PHIP: variants seen among roughly 807,000 people sequenced by gnomAD.
PHIP encodes PH-interacting protein.
Under a neutral mutation model 236.8 loss-of-function variants are expected in PHIP, and 54 were observed. The observed-to-expected ratio is 0.23, with a 90% CI of 0.18 to 0.29. The LOEUF (loss-of-function observed/expected upper bound fraction) is 0.29, where lower values mean the gene tolerates loss of function less well. Ranked by LOEUF, PHIP falls within the 10% of genes least tolerant of loss-of-function variation. PHIP has a pLI of 1.00. For missense variants in PHIP, 1,370 were observed against 2,190.8 expected, an observed-to-expected ratio of 0.63 and a Z score of 7.48; for synonymous variants, 756 against 718.9, an observed-to-expected ratio of 1.05 and a Z score of -0.83.
chr6:78,974,414 A>G (rs1198338969), intron 24 of PHIP, among the ~76,000 whole-genome samples: 1 of 152,004 alleles, frequency 6.6e-6, no homozygotes, highest in Non-Finnish European at 1.5e-5. Flanking sequence ...AATGCCCACA[A>G]GAGTAAGCAG....
chr6:78,980,102 T>G (rs1289105610), intron 23 of PHIP, among the ~76,000 whole-genome samples: 1 of 152,034 alleles, frequency 6.6e-6, no homozygotes, highest in Non-Finnish European at 1.5e-5. Flanking sequence ...AGGATCACTC[T>G]GGATGCATCA....
chr6:79,023,305 T>C (rs1237876356), intron 9 of PHIP, among the ~76,000 whole-genome samples: 1 of 152,154 alleles, frequency 6.6e-6, no homozygotes, highest in Non-Finnish European at 1.5e-5. Flanking sequence ...GCTCTGTTAC[T>C]TAGGCTGGTC....
chr6:79,016,903 GA>G lies in PHIP; in HGVS notation c.1137-262del, dbSNP rs1187286946. 4.0e-5 allele frequency among the ~76,000 whole-genome samples: 6 copies of G among 151,728 alleles called. No homozygotes were observed. In the East Asian group the frequency reaches 1.2e-3, roughly 29 times the overall value. On this transcript the variant is annotated intron_variant, in intron 12 of 39. Transcript: ENST00000275034. ...AGAAATAAAATCGACATTTTCCAAG[GA>G]AAAAACAATGATTTTCTTCTCAATA...
chr6:78,949,314 G>C (rs942076335), intron 35 of PHIP, among the ~76,000 whole-genome samples: 2 of 152,164 alleles, frequency 1.3e-5, no homozygotes, highest in Non-Finnish European at 2.9e-5. Flanking sequence ...GCCCCTTCCT[G>C]GGCAGTCTTA....
intron 19 of PHIP, among the ~76,000 whole-genome samples, chr6:78,993,484 T>A (rs1769404869): frequency 6.6e-6 from 1 of 152,214 alleles, no homozygotes; most frequent in South Asian, 2.1e-4. Flanking sequence ...AATCTTTTCT[T>A]AGGGGCTAAT....
At chr6:79,076,578 T>A (rs1582333461) in intron 4 of PHIP, among the ~76,000 whole-genome samples, 1 of 152,156 alleles carries the variant, frequency 6.6e-6, no homozygotes, top group East Asian at 1.9e-4. Context: ...AAATACTCAT[T>A]TTGACAACCC....
chr6:78,960,481 A>G (rs1252760756), intron 31 of PHIP, among the ~76,000 whole-genome samples: 2 of 151,348 alleles, frequency 1.3e-5, no homozygotes, highest in Non-Finnish European at 2.9e-5. Flanking sequence ...TAAACTTCCA[A>G]CACCTGATAT....
chr6:78,947,578 C>T lies in PHIP; in HGVS notation c.4206+45G>A, dbSNP rs944789807. The T allele has an allele frequency of 5.2e-6, 5 of 963,522 alleles. No individual in the cohort carries two copies. The African/African-American group carries it at 6.5e-5, about 13-fold the overall frequency. The allele number at this position is 963,522 out of a possible 1,614,324, so 59.7% of individuals were successfully genotyped here. On this transcript the variant is annotated intron_variant, in intron 36 of 39. Coordinates refer to ENST00000275034, the MANE Select transcript of PHIP (RefSeq NM_017934.7). ...CAACATTTAGTCATTTAACACACTC[C>T]TCTAACTTAATCTAGTCATAAAAGA... is the stretch of plus-strand genomic sequence containing the variant.
chr6:79,045,739 A>G (rs958938819), intron 6 of PHIP, among the ~76,000 whole-genome samples: 3 of 152,172 alleles, frequency 2.0e-5, no homozygotes, highest in Non-Finnish European at 4.4e-5. Flanking sequence ...TAAAATGAGC[A>G]TGGTTAAACA....
At chr6:79,056,451 A>G (rs1773076392) in intron 6 of PHIP, among the ~76,000 whole-genome samples, 1 of 152,146 alleles carries the variant, frequency 6.6e-6, no homozygotes, top group South Asian at 2.1e-4. Context: ...GGTTGACACT[A>G]TCATTCAGTC....
Position 78,965,747 on chromosome 6 carries a change from G to T in PHIP, c.3335C>A (p.Thr1112Lys). ...CATATCCCAAGGACTCATCTTTTCT[G>T]TATCTCCATTGTCCCAGCTTAAAGA... is the stretch of plus-strand genomic sequence containing the variant. The part of the protein sequence containing the change: ...CYNVCWDNGD[T>K]EKMSPWDMEL... Residue 1112 changes from threonine to lysine, a missense_variant, in exon 29 of 40, where the codon ACA becomes AAA. This residue lies in a region of PHIP where 238 missense variants were observed against 398.5 expected (regional missense o/e 0.60). Transcript: ENST00000275034. 6.4e-7 allele frequency: 1 copy of T among 1,560,134 alleles called. No individual in the cohort carries two copies. Among genetic ancestry groups the T allele is most frequent in the Non-Finnish European group, 8.8e-7 (1 of 1,134,222 alleles).
chr6:79,054,443 T>C (rs1466300871), intron 6 of PHIP, among the ~76,000 whole-genome samples: 2 of 147,812 alleles, frequency 1.4e-5, no homozygotes, highest in Admixed American at 6.7e-5. Context: ...TGAGAAACAA[T>C]AGGTTAAAAT....
chr6:79,043,702 TC>T lies in PHIP; in HGVS notation c.440-700del, dbSNP rs549119666. Reference sequence around the variant, plus strand: ...TTGACTCCAGCTGAAAATGTCCTCTTCCATCTAAATTACTACTGTACTTATT... The same window carrying T: ...TTGACTCCAGCTGAAAATGTCCTCTTCATCTAAATTACTACTGTACTTATT... On this transcript the variant is annotated intron_variant, in intron 6 of 39. Coordinates refer to ENST00000275034, the MANE Select transcript of PHIP (RefSeq NM_017934.7). Among the ~76,000 whole-genome samples the T allele has an allele frequency of 6.3e-4, 96 of 151,984 alleles. 1 individual carries two copies. The South Asian group carries it at 8.1e-3, about 13-fold the overall frequency.
intron 32 of PHIP, chr6:78,957,454 A>C (rs1582106028): frequency 6.6e-6 from 1 of 151,878 alleles, no homozygotes; most frequent in Non-Finnish European, 1.5e-5. Flanking sequence ...CACAAACTTT[A>C]CCTTATTAAT....
At chr6:78,995,791 A>G (rs1769569868) in intron 19 of PHIP, among the ~76,000 whole-genome samples, 1 of 152,130 alleles carries the variant, frequency 6.6e-6, no homozygotes, top group Non-Finnish European at 1.5e-5. Context: ...ATTGGATTCC[A>G]TTTTAATTAA....
intron 9 of PHIP, among the ~76,000 whole-genome samples, chr6:79,023,813 C>T (rs1486142298): frequency 6.6e-6 from 1 of 152,100 alleles, no homozygotes; most frequent in Non-Finnish European, 1.5e-5. Flanking sequence ...TCAAGAAGCA[C>T]AAATAAGGTG....
chr6:79,072,965 C>T (rs1258380759), intron 4 of PHIP, among the ~76,000 whole-genome samples: 1 of 152,110 alleles, frequency 6.6e-6, no homozygotes, highest in African/African-American at 2.4e-5. Flanking sequence ...TTGATTCATG[C>T]CAGTTATTAC....
At position 78,990,942 on chromosome 6, in the gene PHIP, T is replaced by G; in HGVS notation, c.2245A>C (p.Lys749Gln). Reference sequence around the variant, plus strand: ...CTTTTCTCTTCTGACCTGTAAGTCTTTATTTCTTCTTCTCCCTTTGCAGTT... The same window carrying G: ...CTTTTCTCTTCTGACCTGTAAGTCTGTATTTCTTCTTCTCCCTTTGCAGTT... ...WRTAKGEEEI[K>Q]TYRSEEKRKH... The change falls in exon 20 of 40, where the codon AAG (lysine) becomes CAG (glutamine). Residue 749 changes from lysine (K) to glutamine (Q), a missense_variant. Physicochemically the swap from Lys to Gln is moderately conservative, Grantham distance 53. Coordinates refer to ENST00000275034, the MANE Select transcript of PHIP (RefSeq NM_017934.7). 2 of 1,612,040 alleles carry G rather than the reference T, an allele frequency of 1.2e-6. No homozygotes were observed. Among genetic ancestry groups the G allele is most frequent in the South Asian group, 2.2e-5 (2 of 90,928 alleles).
chr6:79,032,147 A>C (rs1431534523), intron 7 of PHIP, among the ~76,000 whole-genome samples: 1 of 152,240 alleles, frequency 6.6e-6, no homozygotes, highest in Non-Finnish European at 1.5e-5. Flanking sequence ...TATTGCTAAA[A>C]AATGCTAATT....
Sources: gnomAD v4.1 joint callset for allele counts (sites outside exome capture counted in the v4.1 genomes callset) on GRCh38, gnomAD v4.1.1 for gene constraint, gnomAD v4.1.1 regional missense constraint, MANE v1.5 for transcripts, NCBI Gene and HGNC (gene_info 2026-07-23, HGNC 2026-07-21) for gene names.